PFKP: variants seen among roughly 807,000 people sequenced by gnomAD.
The protein encoded by PFKP is ATP-dependent 6-phosphofructokinase, platelet type.
PFKP carries 101 observed loss-of-function variants against 94.3 expected under a neutral mutation model. That is an observed-to-expected ratio of 1.07 (90% CI 0.91 to 1.26). The LOEUF is 1.26. PFKP is among the 50% of genes most tolerant of loss of function. The pLI, the probability that PFKP is intolerant of heterozygous loss-of-function variation, is 0.00. For synonymous variants in PFKP, 573 were observed against 432.6 expected, an observed-to-expected ratio of 1.32 and a Z score of -4.03; for missense variants, 1,145 against 1,103.3, an observed-to-expected ratio of 1.04 and a Z score of -0.53.
intron 2 of PFKP, among the ~76,000 whole-genome samples, chr10:3,098,672 C>CAAAAAAAAAAAAAAAAAAAA (rs5782682): frequency 9.3e-6 from 1 of 107,170 alleles, no homozygotes; most frequent in African/African-American, 3.7e-5. Context: ...GACTCCGTCT[C>CAAAAAAAAAAAAAAAAAAAA]AAAAAAAAAA....
In PFKP at chr10:3,118,791, G is replaced by T. The variant is rs773347676; in HGVS notation, c.1452G>T (p.Pro484=). The T allele has an allele frequency of 6.2e-7, 1 of 1,612,838 alleles. No individual in the cohort carries two copies. The highest frequency in any genetic ancestry group is 1.1e-5 in the South Asian group (1 of 90,900). The change falls in exon 15 of 22, where the codon CCG becomes CCT. Residue 484 remains proline (P), a synonymous_variant. Transcript: ENST00000381125. ...ACGTGGCTATTTTCAGCGTTCTCCC[G>T]GGGAAGTACTTGGAAGAGATCGCCA... is the stretch of plus-strand genomic sequence containing the variant. ...GSILGTKRVL[P]GKYLEEIATQ...
At chr10:3,118,327 G>A (rs1489796223) in intron 14 of PFKP, among the ~76,000 whole-genome samples, 1 of 152,090 alleles carries the variant, frequency 6.6e-6, no homozygotes, top group Non-Finnish European at 1.5e-5. Context: ...AATTAGCCGG[G>A]CGTGGTGGCG....
intron 1 of PFKP, among the ~76,000 whole-genome samples, chr10:3,074,912 C>A (rs1265255805): frequency 6.6e-6 from 1 of 152,118 alleles, no homozygotes; most frequent in Non-Finnish European, 1.5e-5. Context: ...GTGGGAAATC[C>A]GTGGTCTCAC....
intron 3 of PFKP, chr10:3,101,093 C>A: frequency 2.0e-6 from 2 of 1,015,256 alleles, no homozygotes; most frequent in Non-Finnish European, 3.1e-6. Flanking sequence ...CTGGTTCCTG[C>A]TCCATGTATT....
In PFKP at chr10:3,113,211, T is replaced by C. The variant is rs746724349; in HGVS notation, c.1224+23T>C. ...AAGGTAGGTGGCCGGCCTCCCGCGATGCCCCGACCTCTCCTGCGGGCCTCC... is the reference window on the plus strand; with the variant it reads ...AAGGTAGGTGGCCGGCCTCCCGCGACGCCCCGACCTCTCCTGCGGGCCTCC... On this transcript the variant is annotated intron_variant, in intron 12 of 21. Coordinates refer to ENST00000381125, the MANE Select transcript of PFKP (RefSeq NM_002627.5). 8 of 1,606,358 alleles carry C rather than the reference T, an allele frequency of 5.0e-6. No individual in the cohort carries two copies. In the South Asian group the frequency reaches 8.9e-5, roughly 18 times the overall value.
In PFKP at chr10:3,132,452, G is replaced by C. The variant is rs199886105; in HGVS notation, c.1910+11G>C. On this transcript the variant is annotated intron_variant, in intron 18 of 21. Coordinates refer to ENST00000381125, the MANE Select transcript of PFKP (RefSeq NM_002627.5). ...AGGCCTTGTGCTCAGGTGAGAGAGA[G>C]AGACCAGGGGCTGATCTTACCCTCA... The C allele has an allele frequency of 4.1e-3, 6,469 of 1,593,950 alleles. 26 individuals are homozygous for C. The highest frequency in any genetic ancestry group is 4.4e-3 in the Non-Finnish European group (5,131 of 1,161,746).
intron 16 of PFKP, among the ~76,000 whole-genome samples, chr10:3,122,674 A>T (rs1431473883): frequency 6.6e-6 from 1 of 152,102 alleles, no homozygotes; most frequent in Non-Finnish European, 1.5e-5. Flanking sequence ...GTCCGGCCAC[A>T]CCCTCTGTGA....
At chr10:3,074,789 T>C (rs924952997) in intron 1 of PFKP, among the ~76,000 whole-genome samples, 1 of 152,170 alleles carries the variant, frequency 6.6e-6, no homozygotes, top group South Asian at 2.1e-4. Flanking sequence ...AATAGGAGAT[T>C]AATTAATTCC....
intron 16 of PFKP, chr10:3,129,430 G>C (rs1238174032): frequency 5.2e-6 from 1 of 191,396 alleles, no homozygotes; most frequent in African/African-American, 2.3e-5. Flanking sequence ...TAACATCTCA[G>C]CTAACACCTA....
At chr10:3,078,613 A>G (rs1832785259) in intron 1 of PFKP, among the ~76,000 whole-genome samples, 1 of 152,240 alleles carries the variant, frequency 6.6e-6, no homozygotes, top group Admixed American at 6.5e-5. Flanking sequence ...GGAAGGCTTG[A>G]AAGTTAAAAT....
In PFKP at chr10:3,136,477, G is replaced by T. The variant is rs752237031; in HGVS notation, c.2253G>T (p.Trp751Cys). The stretch of plus-strand genomic sequence containing the variant: ...ACAGGATTCCCAAAGAACAGTGGTG[G>T]CTCAAGCTACGGCCCCTCATGAAAA... ...FEHRIPKEQW[W>C]LKLRPLMKIL... Residue 751 changes from tryptophan to cysteine, a missense_variant, in exon 22 of 22, where the codon TGG (tryptophan) becomes TGT (cysteine). Physicochemically the swap from Trp to Cys is radical, Grantham distance 215 (BLOSUM62 -2). Transcript: ENST00000381125. The T allele has an allele frequency of 1.9e-6, 3 of 1,613,626 alleles. No individual in the cohort carries two copies. Among genetic ancestry groups the T allele is most frequent in the Non-Finnish European group, 1.7e-6 (2 of 1,179,714 alleles).
At position 3,112,431 on chromosome 10, in the gene PFKP, C is replaced by CAGT. The variant is rs374820146; in HGVS notation, c.1154+148_1154+150dup. 213 of 697,876 alleles carry CAGT rather than the reference C, an allele frequency of 3.1e-4. No individual in the cohort carries two copies. The African/African-American group carries it at 3.4e-3, about 11-fold the overall frequency. 43.2% of individuals were successfully genotyped at this position (697,876 alleles called of 1,614,324 possible). On this transcript the variant is annotated intron_variant, in intron 11 of 21. Coordinates refer to ENST00000381125, the MANE Select transcript of PFKP (RefSeq NM_002627.5). ...GGCAGTACTCACAGCACCGCTCTTG[C>CAGT]AGTAGCAGGCCCTGGTGACTGGTTA...
chr10:3,070,658 A>G (rs572455462), intron 1 of PFKP, among the ~76,000 whole-genome samples: 3 of 152,304 alleles, frequency 2.0e-5, no homozygotes, highest in South Asian at 2.1e-4. Flanking sequence ...AAGAAAAGTA[A>G]GTTAGGTAAG....
chr10:3,103,868 G>A lies in PFKP; in HGVS notation c.544G>A (p.Asp182Asn), dbSNP rs775795213. 6.8e-6 allele frequency: 11 copies of A among 1,613,900 alleles called. No homozygotes were observed. Among genetic ancestry groups the A allele is most frequent in the East Asian group, 4.5e-5 (2 of 44,874 alleles). The part of the protein sequence containing the change: ...GSIDNDFCGT[D>N]MTIGTDSALH... The stretch of plus-strand genomic sequence containing the variant: ...CATCGACAATGATTTCTGCGGCACC[G>A]ACATGACCATCGGCACGGACTCCGC... Residue 182 changes from aspartate to asparagine, a missense_variant, in exon 5 of 22, where the codon GAC (aspartate) becomes AAC (asparagine). Asp to Asn is a conservative substitution (Grantham distance 23, BLOSUM62 1). Coordinates refer to ENST00000381125, the MANE Select transcript of PFKP (RefSeq NM_002627.5).
At position 3,119,870 on chromosome 10, in the gene PFKP, A is replaced by G. The variant is rs749279133; in HGVS notation, c.1531-22A>G. 8 of 1,613,102 alleles carry G rather than the reference A, an allele frequency of 5.0e-6. No homozygotes were observed. In the South Asian group the frequency reaches 7.7e-5, roughly 16 times the overall value. Reference sequence around the variant, plus strand: ...CTCCCCAGCTTCCCTCTCGCCCCACAACTCCCACGCTTGTCTGACAGGCCT... The same window carrying G: ...CTCCCCAGCTTCCCTCTCGCCCCACGACTCCCACGCTTGTCTGACAGGCCT... On this transcript the variant is annotated intron_variant, in intron 15 of 21. Transcript: ENST00000381125.
Position 3,132,382 on chromosome 10 carries a change from C to T in PFKP, c.1851C>T (p.Ser617=), listed in dbSNP as rs1838695665. 6.2e-7 allele frequency: 1 copy of T among 1,607,882 alleles called. No homozygotes were observed. The highest frequency in any genetic ancestry group is 8.5e-7 in the Non-Finnish European group (1 of 1,174,418). The change falls in exon 18 of 22, where the codon TCC becomes TCT. Residue 617 remains serine (S), a splice_region_variant and synonymous_variant. Transcript: ENST00000381125. The part of the protein sequence containing the change: ...EEPFDIRDLQ[S]NVEHLTEKMK... Reference sequence around the variant, plus strand: ...ATTAACAAAATACTCTCTTCCAGTCCAACGTGGAGCACCTGACGGAGAAAA... The same window carrying T: ...ATTAACAAAATACTCTCTTCCAGTCTAACGTGGAGCACCTGACGGAGAAAA...
At chr10:3,077,325 A>T (rs1314142582) in intron 1 of PFKP, among the ~76,000 whole-genome samples, 1 of 130,156 alleles carries the variant, frequency 7.7e-6, no homozygotes. Context: ...GTAGTGGCGC[A>T]ATCTCGGCTC....
rs114160622 is a variant in PFKP, at chr10:3,126,253, C to T, written c.1684-3566C>T. On this transcript the variant is annotated intron_variant, in intron 16 of 21. Transcript: ENST00000381125. ...AGCTTCCTGTGAGTCCGAGCCTCAG[C>T]CTCCCACTCGAGCTGAGGGGCGTGT... Among the ~76,000 whole-genome samples, 233 of 152,348 alleles carry T rather than the reference C, an allele frequency of 1.5e-3. 1 individual carries two copies. The highest frequency in any genetic ancestry group is 5.4e-3 in the African/African-American group (223 of 41,586).
chr10:3,068,255 C>G (rs1831891699), intron 1 of PFKP, among the ~76,000 whole-genome samples: 1 of 152,132 alleles, frequency 6.6e-6, no homozygotes, highest in East Asian at 1.9e-4. Flanking sequence ...CTCCTGTCGC[C>G]TCGTGCCCTG....
Sources: allele counts gnomAD v4.1 joint callset (sites outside exome capture counted in the v4.1 genomes callset), GRCh38; gene constraint gnomAD v4.1.1; transcripts MANE v1.5; gene names NCBI Gene and HGNC (gene_info 2026-07-23, HGNC 2026-07-21).